The following SLC35F1 variants were observed in gnomAD, a reference collection of about 807,000 sequenced individuals.
SLC35F1 encodes solute carrier family 35 member F1.
A neutral mutation model predicts 48.7 loss-of-function variants in SLC35F1; 14 were observed. The observed-to-expected ratio is 0.29, with a 90% CI of 0.19 to 0.45. The LOEUF (loss-of-function observed/expected upper bound fraction) is 0.45, where lower values mean the gene tolerates loss of function less well. Among genes scored for constraint, SLC35F1 ranks in the 20% least tolerant of loss-of-function variants. The pLI, the probability that SLC35F1 is intolerant of heterozygous loss-of-function variation, is 1.00. For synonymous variants in SLC35F1, 190 were observed against 202.2 expected, an observed-to-expected ratio of 0.94 and a Z score of 0.51; for missense variants, 404 against 500.0, an observed-to-expected ratio of 0.81 and a Z score of 1.83.
intron 1 of SLC35F1, among the ~76,000 whole-genome samples, chr6:118,015,219 T>C (rs1777304460): frequency 6.6e-6 from 1 of 152,156 alleles, no homozygotes; most frequent in Non-Finnish European, 1.5e-5. Flanking sequence ...GTCTCAGGTA[T>C]GTCTTTATCA....
Position 118,314,512 on chromosome 6 carries a change from T to C in SLC35F1, c.*260T>C. The C allele has an allele frequency of 1.0e-5, 5 of 481,040 alleles. No homozygotes were observed. The highest frequency in any genetic ancestry group is 1.9e-5 in the Non-Finnish European group (5 of 266,844). The allele number at this position is 481,040 out of a possible 1,614,324, so 29.8% of individuals were successfully genotyped here. A position where few individuals can be genotyped will look rare whatever the true frequency, so the allele number is the denominator to read the frequency against. ...CCCTGCATTCATTACTGTGAAAATT[T>C]TTGAATCAAAAGCAAGTATTATTGT... On this transcript the variant is annotated 3_prime_UTR_variant, in exon 8 of 8. Coordinates refer to ENST00000360388, the MANE Select transcript of SLC35F1 (RefSeq NM_001029858.4).
intron 2 of SLC35F1, among the ~76,000 whole-genome samples, chr6:118,171,463 G>A (rs1212100033): frequency 6.6e-6 from 1 of 151,990 alleles, no homozygotes; most frequent in African/African-American, 2.4e-5. Context: ...GTATATCTTT[G>A]TATACATGTG....
chr6:118,127,157 C>G (rs1434246154), intron 1 of SLC35F1, among the ~76,000 whole-genome samples: 19 of 150,864 alleles, frequency 1.3e-4, no homozygotes, highest in African/African-American at 4.6e-4. Context: ...TACGTCCCAT[C>G]AATACCTAAT....
intron 1 of SLC35F1, among the ~76,000 whole-genome samples, chr6:118,133,004 G>T (rs1773738669): frequency 1.3e-5 from 2 of 152,124 alleles, no homozygotes; most frequent in South Asian, 4.1e-4. Context: ...GAAGGAAGAG[G>T]GTTGACAGCT....
At chr6:118,043,993 A>G (rs1242991848) in intron 1 of SLC35F1, among the ~76,000 whole-genome samples, 2 of 152,194 alleles carry the variant, frequency 1.3e-5, no homozygotes, top group African/African-American at 2.4e-5. Context: ...GAGGAAGGCA[A>G]AAGGGACTGC....
chr6:118,165,386 G>C (rs758566352), intron 2 of SLC35F1, among the ~76,000 whole-genome samples: 11 of 152,154 alleles, frequency 7.2e-5, no homozygotes, highest in Non-Finnish European at 1.3e-4. Context: ...CCTTGACTGA[G>C]ACAGAACTTT....
intron 1 of SLC35F1, among the ~76,000 whole-genome samples, chr6:118,068,727 A>C (rs1429755578): frequency 6.6e-6 from 1 of 152,182 alleles, no homozygotes; most frequent in Non-Finnish European, 1.5e-5. Context: ...TTAGTTACTA[A>C]GCGCCTATGT....
chr6:117,926,374 GC>G (rs1776028107), intron 1 of SLC35F1, among the ~76,000 whole-genome samples: 1 of 152,078 alleles, frequency 6.6e-6, no homozygotes, highest in South Asian at 2.1e-4. Context: ...TGTCAATTAA[GC>G]CTCTTTTCTT....
chr6:118,022,330 T>G (rs1437803930), intron 1 of SLC35F1, among the ~76,000 whole-genome samples: 1 of 152,140 alleles, frequency 6.6e-6, no homozygotes, highest in Non-Finnish European at 1.5e-5. Context: ...TGCAAAGTGA[T>G]GAACACATGT....
intron 2 of SLC35F1, among the ~76,000 whole-genome samples, chr6:118,165,389 A>G (rs1262757893): frequency 6.6e-6 from 1 of 152,206 alleles, no homozygotes; most frequent in Non-Finnish European, 1.5e-5. Context: ...TGACTGAGAC[A>G]GAACTTTTAT....
chr6:117,977,113 T>C (rs913439485), intron 1 of SLC35F1, among the ~76,000 whole-genome samples: 3 of 152,196 alleles, frequency 2.0e-5, no homozygotes, highest in Non-Finnish European at 4.4e-5. Context: ...TCTTTGATGA[T>C]ACATGTGATG....
intron 7 of SLC35F1, among the ~76,000 whole-genome samples, chr6:118,290,131 G>T (rs535329197): frequency 6.6e-6 from 1 of 151,778 alleles, no homozygotes; most frequent in African/African-American, 2.4e-5. Context: ...TTGAATTCAG[G>T]TGTTATCTCT....
intron 7 of SLC35F1, among the ~76,000 whole-genome samples, chr6:118,300,451 A>G (rs780302643): frequency 2.6e-5 from 4 of 152,196 alleles, no homozygotes; most frequent in Non-Finnish European, 5.9e-5. Context: ...TGCAGAACTT[A>G]TGTATTGCTA....
intron 3 of SLC35F1, among the ~76,000 whole-genome samples, chr6:118,263,055 G>A (rs1775731824): frequency 6.6e-6 from 1 of 152,000 alleles, no homozygotes; most frequent in Non-Finnish European, 1.5e-5. Context: ...TGTTTGTTTT[G>A]TTCTGTTTTG....
chr6:118,125,535 A>C (rs1773612685), intron 1 of SLC35F1, among the ~76,000 whole-genome samples: 1 of 152,152 alleles, frequency 6.6e-6, no homozygotes, highest in African/African-American at 2.4e-5. Context: ...TTTATTTGTG[A>C]GCATATACTA....
intron 7 of SLC35F1, among the ~76,000 whole-genome samples, chr6:118,305,082 G>A (rs1279937598): frequency 3.5e-5 from 5 of 141,160 alleles, no homozygotes; most frequent in Non-Finnish European, 7.6e-5. Context: ...GTGTGTGTGT[G>A]TGTGTGTGTG....
In SLC35F1 at chr6:117,991,323, C is replaced by T. The variant is rs1180545943; in HGVS notation, c.173+83424C>T. ...AAATACTGCCTCTGCTCTGCTGGTG[C>T]CCTGGCCACCTACTGAGTAATCAAG... On this transcript the variant is annotated intron_variant, in intron 1 of 7. Transcript: ENST00000360388. 2.0e-5 allele frequency among the ~76,000 whole-genome samples: 3 copies of T among 152,144 alleles called. No individual in the cohort carries two copies. The East Asian group carries it at 5.8e-4, about 29-fold the overall frequency.
At chr6:118,308,260 G>A (rs78575148) in intron 7 of SLC35F1, among the ~76,000 whole-genome samples, 2,431 of 152,202 alleles carry the variant, frequency 0.016, 80 homozygotes, top group African/African-American at 0.055. Flanking sequence ...TATGGTTAGC[G>A]TGCAAGTTGA....
At chr6:118,281,943 C>T (rs1195590102) in intron 6 of SLC35F1, among the ~76,000 whole-genome samples, 1 of 152,190 alleles carries the variant, frequency 6.6e-6, no homozygotes, top group Non-Finnish European at 1.5e-5. Flanking sequence ...ATAGTGAGTG[C>T]TCAATCCATA....
Sources: gnomAD v4.1 joint callset for allele counts (sites outside exome capture counted in the v4.1 genomes callset) on GRCh38, gnomAD v4.1.1 for gene constraint, MANE v1.5 for transcripts, NCBI Gene and HGNC (gene_info 2026-07-23, HGNC 2026-07-21) for gene names.